The following EXOC1L variants were observed in gnomAD, a reference collection of about 807,000 sequenced individuals.
EXOC1L encodes the protein exocyst complex component 1 like, also known as exocyst complex component 1-like.
A neutral mutation model predicts 4.9 loss-of-function variants in EXOC1L; 10 were observed. The ratio of observed to expected loss-of-function variants is 2.02; its 90% CI spans 1.25 to 3.43. EXOC1L has a LOEUF of 3.43. Ranked by LOEUF, EXOC1L falls within the 30% of genes most tolerant of loss-of-function variation. The pLI, the probability that EXOC1L is intolerant of heterozygous loss-of-function variation, is 0.00. For missense variants in EXOC1L, 114 were observed against 59.4 expected (o/e 1.92, Z -3.02); for synonymous variants, 41 against 20.8 (o/e 1.97, Z -2.63).
rs1200153474 is a variant in EXOC1L, at chr4:55,833,355, A to C, written c.252+1891A>C. Among the ~76,000 whole-genome samples the C allele has an allele frequency of 3.3e-5, 5 of 151,842 alleles. No homozygotes were observed. The East Asian group carries it at 9.6e-4, about 29-fold the overall frequency. On this transcript the variant is annotated intron_variant, in intron 2 of 2. Coordinates refer to ENST00000636125, the MANE Select transcript of EXOC1L (RefSeq NM_001351574.3). ...TCATGTTATTGAAATATGAATCTTA[A>C]TGTTTTTACAAAAAATATGTCAGTA...
intron 2 of EXOC1L, among the ~76,000 whole-genome samples, chr4:55,833,476 C>A (rs1720085113): frequency 6.6e-6 from 1 of 151,528 alleles, no homozygotes; most frequent in Admixed American, 6.6e-5. Context: ...TTATTATTTT[C>A]TATTTTATAT....
chr4:55,820,396 T>C (rs1443344196), intron 1 of EXOC1L, among the ~76,000 whole-genome samples: 2 of 152,248 alleles, frequency 1.3e-5, no homozygotes, highest in African/African-American at 2.4e-5. Context: ...TGATGTGTCC[T>C]TCTCCTGATT....
At chr4:55,836,725 G>A (rs1447049) in intron 2 of EXOC1L, among the ~76,000 whole-genome samples, 151,867 of 152,032 alleles carry the variant, frequency 1, 75,851 homozygotes, top group Middle Eastern at 1. Context: ...AAAGGGAGAG[G>A]AACCTTTTCT....
At chr4:55,836,554 C>T (rs1220116821) in intron 2 of EXOC1L, among the ~76,000 whole-genome samples, 1 of 151,908 alleles carries the variant, frequency 6.6e-6, no homozygotes, top group Non-Finnish European at 1.5e-5. Context: ...TTGTCAGTTT[C>T]AGTCAAATGA....
rs1452243531 is a variant in EXOC1L, at chr4:55,837,414, T to C, written c.*63T>C. 1 of 433,256 alleles carries C rather than the reference T, an allele frequency of 2.3e-6. No individual in the cohort carries two copies. Among genetic ancestry groups the C allele is most frequent in the East Asian group, 3.4e-5 (1 of 29,682 alleles). 26.8% of individuals were successfully genotyped at this position (433,256 alleles called of 1,614,324 possible). A position where few individuals can be genotyped will look rare whatever the true frequency, so the allele number is the denominator to read the frequency against. On this transcript the variant is annotated 3_prime_UTR_variant, in exon 3 of 3. Coordinates refer to ENST00000636125, the MANE Select transcript of EXOC1L (RefSeq NM_001351574.3). Reference sequence around the variant, plus strand: ...AATGGTTTCCCAAGTAAATATTGATTGTCATAATTTTGTTTTTCCTTCATC... The same window carrying C: ...AATGGTTTCCCAAGTAAATATTGATCGTCATAATTTTGTTTTTCCTTCATC...
At chr4:55,833,711 G>A (rs73151569) in intron 2 of EXOC1L, among the ~76,000 whole-genome samples, 7,087 of 151,848 alleles carry the variant, frequency 0.047, 458 homozygotes, top group Admixed American at 0.17. Context: ...CACCAGGACT[G>A]TCAATTTAGA....
chr4:55,834,628 G>C (rs1720115029), intron 2 of EXOC1L, among the ~76,000 whole-genome samples: 1 of 151,780 alleles, frequency 6.6e-6, no homozygotes, highest in Non-Finnish European at 1.5e-5. Context: ...TCCCTAAGGA[G>C]CATGATTGGT....
chr4:55,821,924 A>T (rs1397587599), intron 1 of EXOC1L, among the ~76,000 whole-genome samples: 1 of 152,228 alleles, frequency 6.6e-6, no homozygotes, highest in Non-Finnish European at 1.5e-5. Flanking sequence ...ATTTAAAATA[A>T]GTCAGCGTGT....
intron 1 of EXOC1L, among the ~76,000 whole-genome samples, chr4:55,828,790 C>T (rs543364241): frequency 3.9e-5 from 6 of 152,228 alleles, no homozygotes; most frequent in Admixed American, 2.0e-4. Flanking sequence ...CTGCAGTGAG[C>T]CATGATCATG....
rs1322239494 is a variant in EXOC1L, at chr4:55,825,335, CT to C, written c.121+5192del. On this transcript the variant is annotated intron_variant, in intron 1 of 2. Transcript: ENST00000636125. ...TGCTTCTAACCAGTAAGAGTAGATG[CT>C]TTTCTTAACACATTTGCCCGGCACT... 3.3e-5 allele frequency among the ~76,000 whole-genome samples: 5 copies of C among 152,252 alleles called. 1 individual carries two copies. The highest frequency in any genetic ancestry group is 1.2e-4 in the African/African-American group (5 of 41,558).
intron 2 of EXOC1L, among the ~76,000 whole-genome samples, chr4:55,835,261 G>C (rs1419442830): frequency 6.6e-6 from 1 of 151,420 alleles, no homozygotes; most frequent in African/African-American, 2.4e-5. Context: ...GTTGGTTGAT[G>C]GGCATTTGGG....
intron 1 of EXOC1L, among the ~76,000 whole-genome samples, chr4:55,823,039 A>T (rs1719786867): frequency 1.3e-5 from 2 of 151,494 alleles, no homozygotes; most frequent in South Asian, 4.2e-4. Flanking sequence ...TGTTAATTTA[A>T]AATTATATGT....
chr4:55,831,609 G>A (rs1577667033), intron 2 of EXOC1L, 145 bp downstream of exon 2: 1 of 432,976 alleles, frequency 2.3e-6, no homozygotes, highest in South Asian at 5.9e-5. Flanking sequence ...AATCTACTGG[G>A]ATGATGTACT....
At chr4:55,823,760 G>T (rs1415830001) in intron 1 of EXOC1L, among the ~76,000 whole-genome samples, 1 of 152,152 alleles carries the variant, frequency 6.6e-6, no homozygotes, top group Non-Finnish European at 1.5e-5. Context: ...CCAGGCTGGA[G>T]TGCAGTGTCA....
At chr4:55,827,252 T>C (rs531341611) in intron 1 of EXOC1L, among the ~76,000 whole-genome samples, 1 of 152,318 alleles carries the variant, frequency 6.6e-6, no homozygotes, top group South Asian at 2.1e-4. Context: ...CTTAAAAGTG[T>C]CAAGTATTTC....
chr4:55,822,451 T>TA (rs1435237607), intron 1 of EXOC1L, among the ~76,000 whole-genome samples: 39 of 152,260 alleles, frequency 2.6e-4, no homozygotes. Context: ...CACTGGAAGT[T>TA]AAAAGTAGCA....
intron 2 of EXOC1L, among the ~76,000 whole-genome samples, chr4:55,833,157 G>A (rs1720075995): frequency 6.6e-6 from 1 of 151,646 alleles, no homozygotes; most frequent in Non-Finnish European, 1.5e-5. Flanking sequence ...TTAGGAAATG[G>A]TTAAATATAT....
At chr4:55,834,489 T>G (rs532594432) in intron 2 of EXOC1L, among the ~76,000 whole-genome samples, 55 of 152,106 alleles carry the variant, frequency 3.6e-4, no homozygotes, top group African/African-American at 1.3e-3. Context: ...GGCAGATTTG[T>G]ATCCTATGTG....
At chr4:55,821,601 T>C (rs1719744983) in intron 1 of EXOC1L, among the ~76,000 whole-genome samples, 2 of 152,180 alleles carry the variant, frequency 1.3e-5, no homozygotes, top group Admixed American at 6.5e-5. Flanking sequence ...CAAATATATC[T>C]TAGTTTCTCC....
Sources: gnomAD v4.1 joint callset for allele counts (sites outside exome capture counted in the v4.1 genomes callset) on GRCh38, gnomAD v4.1.1 for gene constraint, MANE v1.5 for transcripts, NCBI Gene and HGNC (gene_info 2026-07-23, HGNC 2026-07-21) for gene names.